Variants in SWAP70 observed in about 807,000 individuals in gnomAD.
SWAP70 encodes the protein switch-associated protein 70.
Under a neutral mutation model 80.2 loss-of-function variants are expected in SWAP70, and 34 were observed. That is an observed-to-expected ratio of 0.42 (90% CI 0.32 to 0.56). The LOEUF (loss-of-function observed/expected upper bound fraction) is 0.56. Ranked by LOEUF, SWAP70 falls within the 20% of genes least tolerant of loss-of-function variation. The pLI is 0.09. For synonymous variants in SWAP70, 239 were observed against 238.5 expected (o/e 1.00, Z -0.02); for missense variants, 578 against 690.7 (o/e 0.84, Z 1.83).
intron 5 of SWAP70, among the ~76,000 whole-genome samples, chr11:9,728,563 C>A (rs1851255505): frequency 6.6e-6 from 1 of 152,020 alleles, no homozygotes. Flanking sequence ...GCCAGAAAAT[C>A]TGGGACATTT....
intron 2 of SWAP70, among the ~76,000 whole-genome samples, 193 bp from the exon 3 acceptor site, chr11:9,713,273 G>A (rs1249206211): frequency 6.6e-6 from 1 of 152,198 alleles, no homozygotes; most frequent in Non-Finnish European, 1.5e-5. Flanking sequence ...TTGGTTCAGT[G>A]TCATGCTAAA....
chr11:9,743,964 ATTT>A (rs71034739), intron 9 of SWAP70, among the ~76,000 whole-genome samples: 2 of 146,634 alleles, frequency 1.4e-5, no homozygotes, highest in Non-Finnish European at 3.0e-5. Flanking sequence ...AGATCTTGTA[ATTT>A]TTTTTTTTTT....
At chr11:9,713,406 T>C (rs1851024639) in intron 2 of SWAP70, 60 bp from the exon 3 acceptor site, 1 of 1,483,794 alleles carries the variant, frequency 6.7e-7, no homozygotes, top group East Asian at 2.3e-5. Context: ...CTATTTTACT[T>C]GCCTTAGATA....
chr11:9,732,640 T>A lies in SWAP70; in HGVS notation c.1010T>A (p.Leu337Gln). 1 of 1,579,542 alleles carries A rather than the reference T, an allele frequency of 6.3e-7. No homozygotes were observed. The highest frequency in any genetic ancestry group is 1.8e-5 in the Admixed American group (1 of 55,818). Residue 337 changes from leucine (L) to glutamine (Q), a missense_variant, in exon 7 of 12, where the codon CTG becomes CAG. Leu to Gln is a moderately radical substitution (Grantham distance 113). Transcript: ENST00000318950. ...RKKQLAEQEELERQMKELQAA... is the reference protein window; with the variant it reads ...RKKQLAEQEEQERQMKELQAA... ...AAGCAGCTGGCTGAACAAGAGGAAC[T>A]GGAGCGACAAATGAAGGAACTCCAG...
chr11:9,722,873 C>G (rs983393653), intron 3 of SWAP70, among the ~76,000 whole-genome samples: 1 of 152,096 alleles, frequency 6.6e-6, no homozygotes, highest in Admixed American at 6.5e-5. Flanking sequence ...TGTAAAAAAA[C>G]AAAATCAAGG....
chr11:9,709,114 T>C (rs1850961039), intron 2 of SWAP70, among the ~76,000 whole-genome samples: 1 of 137,788 alleles, frequency 7.3e-6, no homozygotes, highest in African/African-American at 2.8e-5. Context: ...CTCACTATGT[T>C]GCCCAGGTTG....
chr11:9,705,785 G>A (rs1850901612), intron 2 of SWAP70, among the ~76,000 whole-genome samples: 1 of 127,520 alleles, frequency 7.8e-6, no homozygotes, highest in Non-Finnish European at 1.6e-5. Context: ...GTGTATACTT[G>A]GTGATCTGTA....
intron 3 of SWAP70, among the ~76,000 whole-genome samples, chr11:9,719,471 C>G (rs1296943446): frequency 6.6e-6 from 1 of 151,982 alleles, no homozygotes; most frequent in Non-Finnish European, 1.5e-5. Context: ...TCGCTTGAAC[C>G]CAGGAGGTGG....
intron 1 of SWAP70, among the ~76,000 whole-genome samples, chr11:9,674,858 A>G (rs1850467179): frequency 6.6e-6 from 1 of 151,458 alleles, no homozygotes; most frequent in South Asian, 2.1e-4. Flanking sequence ...AGTCCCAGCT[A>G]CTCGGGAGGC....
chr11:9,671,528 AT>A (rs1850390034), intron 1 of SWAP70, among the ~76,000 whole-genome samples: 1 of 64,974 alleles, frequency 1.5e-5, no homozygotes, highest in Non-Finnish European at 3.1e-5. Context: ...ATATAAATAT[AT>A]AAATATATAG....
At chr11:9,739,328 A>G (rs1297931156) in intron 8 of SWAP70, among the ~76,000 whole-genome samples, 3 of 152,210 alleles carry the variant, frequency 2.0e-5, no homozygotes, top group Non-Finnish European at 1.5e-5. Context: ...TTAGAGTTGA[A>G]AGAGATGTGT....
intron 1 of SWAP70, among the ~76,000 whole-genome samples, chr11:9,677,218 A>C (rs924102866): frequency 6.6e-6 from 1 of 152,198 alleles, no homozygotes; most frequent in Non-Finnish European, 1.5e-5. Context: ...AAGTAGAAGC[A>C]ATAATTATTT....
At chr11:9,672,221 A>ATATG (rs1565110270) in intron 1 of SWAP70, among the ~76,000 whole-genome samples, 1 of 134,864 alleles carries the variant, frequency 7.4e-6, no homozygotes, top group African/African-American at 2.7e-5. Context: ...ATATATATAT[A>ATATG]TATATATGAT....
intron 2 of SWAP70, among the ~76,000 whole-genome samples, chr11:9,700,492 A>G (rs1850817209): frequency 6.6e-6 from 1 of 152,238 alleles, no homozygotes; most frequent in Admixed American, 6.5e-5. Context: ...TGAAATAGTT[A>G]TTAAACAGTT....
At chr11:9,694,012 G>A (rs1349506699) in intron 1 of SWAP70, 134 bp from the exon 2 acceptor site, 2 of 1,149,260 alleles carry the variant, frequency 1.7e-6, no homozygotes, top group Non-Finnish European at 2.4e-6. Context: ...CAGCTGAGCA[G>A]TCCTCACCCT....
intron 1 of SWAP70, among the ~76,000 whole-genome samples, chr11:9,667,246 G>GTC (rs1174028795): frequency 6.6e-6 from 1 of 151,588 alleles, no homozygotes; most frequent in Non-Finnish European, 1.5e-5. Flanking sequence ...GTGTGTGTGT[G>GTC]TGTGAGAGAG....
intron 9 of SWAP70, among the ~76,000 whole-genome samples, chr11:9,742,440 G>A (rs751386743): frequency 1.3e-4 from 19 of 151,758 alleles, no homozygotes; most frequent in South Asian, 1.2e-3. Context: ...GGGTTCAAGC[G>A]ACTCTCCTGC....
chr11:9,742,424 C>T (rs1319792281), intron 9 of SWAP70, among the ~76,000 whole-genome samples: 2 of 151,822 alleles, frequency 1.3e-5, no homozygotes, highest in South Asian at 4.2e-4. Context: ...GCAATCTCCG[C>T]CTCCTGGGTT....
intron 3 of SWAP70, among the ~76,000 whole-genome samples, chr11:9,715,312 C>G (rs993746353): frequency 6.6e-6 from 1 of 152,008 alleles, no homozygotes; most frequent in Non-Finnish European, 1.5e-5. Context: ...TGCTGGATAG[C>G]TTACAGAATC....
Sources: allele counts gnomAD v4.1 joint callset (sites outside exome capture counted in the v4.1 genomes callset), GRCh38; gene constraint gnomAD v4.1.1; transcripts MANE v1.5; gene names NCBI Gene and HGNC (gene_info 2026-07-23, HGNC 2026-07-21).